The following HECTD4 variants were observed in gnomAD, a reference collection of about 807,000 sequenced individuals.
HECTD4 encodes the protein probable E3 ubiquitin-protein ligase HECTD4.
HECTD4 carries 114 observed loss-of-function variants against 471.5 expected under a neutral mutation model. That is an observed-to-expected ratio of 0.24 (90% CI 0.21 to 0.28). The LOEUF is 0.28. HECTD4 is among the 10% of genes least tolerant of loss of function. The pLI, the probability that HECTD4 is intolerant of heterozygous loss-of-function variation, is 1.00. For synonymous variants in HECTD4, 2,012 were observed against 2,256.0 expected, an observed-to-expected ratio of 0.89 and a Z score of 3.07; for missense variants, 3,866 against 5,651.5, an observed-to-expected ratio of 0.68 and a Z score of 10.13.
Position 112,200,651 on chromosome 12 carries a change from G to A in HECTD4, c.8554C>T (p.Leu2852Phe). 1 of 1,612,128 alleles carries A rather than the reference G, an allele frequency of 6.2e-7. No individual in the cohort carries two copies. The highest frequency in any genetic ancestry group is 8.5e-7 in the Non-Finnish European group (1 of 1,178,834). The change falls in exon 55 of 76, where the codon CTT becomes TTT. Residue 2852 changes from leucine to phenylalanine, a missense_variant. Around this residue, in one of 16 missense-constraint regions of HECTD4, gnomAD observed 266 missense variants for 441.6 expected, o/e 0.60. Coordinates refer to ENST00000682272, the MANE Select transcript of HECTD4 (RefSeq NM_001388303.1). ...GCCCAATTGTACCTGTGAATTTGAA[G>A]GTTGGTATTGTCCAGTGTGACCAGC... ...NGLVTLDNTN[L>F]QIHRELLRCE...
At chr12:112,324,597 G>C (rs753156320) in intron 1 of HECTD4, among the ~76,000 whole-genome samples, 5 of 151,996 alleles carry the variant, frequency 3.3e-5, no homozygotes, top group Admixed American at 1.3e-4. Flanking sequence ...CTTAAAAAAT[G>C]ATCACATTTC....
At chr12:112,267,049 A>T (rs1290546094) in intron 13 of HECTD4, 67 bp from the exon 14 acceptor site, 2 of 895,072 alleles carry the variant, frequency 2.2e-6, no homozygotes, top group African/African-American at 3.4e-5. Context: ...AAATATTTAA[A>T]TTCATATTTT....
In HECTD4 at chr12:112,207,905, G is replaced by A; in HGVS notation, c.8100C>T (p.Gly2700=). 6.2e-7 allele frequency: 1 copy of A among 1,613,940 alleles called. No homozygotes were observed. The highest frequency in any genetic ancestry group is 8.5e-7 in the Non-Finnish European group (1 of 1,179,882). The change falls in exon 52 of 76, where the codon GGC becomes GGT. Residue 2700 remains glycine, a synonymous_variant. Coordinates refer to ENST00000682272, the MANE Select transcript of HECTD4 (RefSeq NM_001388303.1). ...RFRNEAERKS[G]LDQIKGALQL... is the part of the protein sequence containing the mutation. ...GTAAGGCCCCCTTTATCTGGTCCAGGCCCGATTTCCGCTCTGCTTCATTGC... is the reference window on the plus strand; with the variant it reads ...GTAAGGCCCCCTTTATCTGGTCCAGACCCGATTTCCGCTCTGCTTCATTGC...
At chr12:112,300,524 C>T (rs2035142491) in intron 7 of HECTD4, among the ~76,000 whole-genome samples, 1 of 152,112 alleles carries the variant, frequency 6.6e-6, no homozygotes, top group Admixed American at 6.5e-5. Flanking sequence ...ATGGTGTGGG[C>T]ATTTTGCATT....
chr12:112,214,591 G>A (rs2032859862), intron 48 of HECTD4, among the ~76,000 whole-genome samples: 1 of 152,174 alleles, frequency 6.6e-6, no homozygotes, highest in Admixed American at 6.5e-5. Context: ...TAGAAAGAGG[G>A]TAGTCTGTGT....
In HECTD4 at chr12:112,179,432, G is replaced by A. The variant is rs565221549; in HGVS notation, c.10988-35C>T. 96 of 1,545,206 alleles carry A rather than the reference G, an allele frequency of 6.2e-5. No homozygotes were observed. In the East Asian group the frequency reaches 1.3e-3, roughly 21 times the overall value. ...GGAGAGGGGGCAAAACAATTCTGCC[G>A]TGAACATGCATCGGGACAAGCCCTG... On this transcript the variant is annotated intron_variant, in intron 62 of 75. Transcript: ENST00000682272. This position sits in a 1 kb window ranked among gnomAD's most constrained non-coding sequence, Gnocchi z 4.3.
intron 1 of HECTD4, among the ~76,000 whole-genome samples, chr12:112,376,474 C>T (rs548656948): frequency 6.6e-6 from 1 of 152,218 alleles, no homozygotes; most frequent in South Asian, 2.1e-4. Flanking sequence ...TCTCGATCTC[C>T]TGACCTCGTG....
chr12:112,180,826 G>A (rs1261438711), intron 62 of HECTD4, among the ~76,000 whole-genome samples: 4 of 152,048 alleles, frequency 2.6e-5, no homozygotes, highest in African/African-American at 9.7e-5. Flanking sequence ...GACAAGGCTG[G>A]GACCAGGGTG....
intron 7 of HECTD4, among the ~76,000 whole-genome samples, chr12:112,297,093 G>A (rs1007128324): frequency 2.6e-5 from 4 of 151,104 alleles, no homozygotes; most frequent in Non-Finnish European, 5.9e-5. Flanking sequence ...ATGGATGTAG[G>A]TGCAGAGGGT....
At chr12:112,250,408 CCT>C in intron 24 of HECTD4, 31 bp from the exon 25 acceptor site, 1 of 1,461,796 alleles carries the variant, frequency 6.8e-7, no homozygotes, top group Non-Finnish European at 9.6e-7. Context: ...CTCTTCACTT[CCT>C]CTCTCAACAA....
chr12:112,286,643 G>C (rs1273386898), intron 7 of HECTD4, among the ~76,000 whole-genome samples: 1 of 152,066 alleles, frequency 6.6e-6, no homozygotes, highest in Non-Finnish European at 1.5e-5. Flanking sequence ...AGTGAACCAT[G>C]ATTGCACCAC....
At chr12:112,245,556 T>C (rs2033742826) in intron 29 of HECTD4, among the ~76,000 whole-genome samples, 1 of 152,204 alleles carries the variant, frequency 6.6e-6, no homozygotes, top group African/African-American at 2.4e-5. Context: ...AGGGAGAACC[T>C]GTATTAGAGA....
rs777641917 is a variant in HECTD4 at position 112,179,375 on chromosome 12, G to A, written c.11010C>T (p.Ala3670=). ...TAAATATCTCCGTCAGAACCTCTCT[G>A]GCTCCGGGCACCAGCTTCTCCCCTG... ...SIKGEKLVPG[A]REVLTEIFKS... Residue 3670 remains alanine, a synonymous_variant, in exon 63 of 76, where the codon GCC becomes GCT. Coordinates refer to ENST00000682272, the MANE Select transcript of HECTD4 (RefSeq NM_001388303.1). This position sits in a 1 kb window ranked among gnomAD's most constrained non-coding sequence, Gnocchi z 4.3. The A allele has an allele frequency of 1.4e-5, 23 of 1,612,082 alleles. No homozygotes were observed. Among genetic ancestry groups the A allele is most frequent in the Middle Eastern group, 1.7e-4 (1 of 6,058 alleles).
At chr12:112,232,416 C>G in intron 38 of HECTD4, among the ~76,000 whole-genome samples, 1 of 152,362 alleles carries the variant, frequency 6.6e-6, no homozygotes, top group South Asian at 2.1e-4. Context: ...AGGCGTGAGC[C>G]ACAGTGCCTG....
chr12:112,285,495 ACT>A (rs1029212168), intron 7 of HECTD4, among the ~76,000 whole-genome samples: 7 of 152,026 alleles, frequency 4.6e-5, no homozygotes, highest in African/African-American at 1.7e-4. Context: ...AGCACGTACT[ACT>A]CTCTGAAATT....
In HECTD4 at chr12:112,160,272, A is replaced by C. The variant is rs550267126; in HGVS notation, c.*2115T>G. ...GCCATCCAAGCATGCCAGCCTTTGA[A>C]CTTGCTCAGCAAGAGTAGATGATCA... On this transcript the variant is annotated 3_prime_UTR_variant, in exon 76 of 76. Transcript: ENST00000682272. The C allele has an allele frequency of 6.6e-6, 1 of 152,206 alleles. No individual in the cohort carries two copies. 9.4% of individuals were successfully genotyped at this position (152,206 alleles called of 1,614,324 possible).
At chr12:112,366,315 C>T (rs2036556712) in intron 1 of HECTD4, among the ~76,000 whole-genome samples, 2 of 151,820 alleles carry the variant, frequency 1.3e-5, no homozygotes, top group African/African-American at 4.8e-5. Flanking sequence ...CAAGACAAGC[C>T]TGGGCAACGT....
intron 7 of HECTD4, among the ~76,000 whole-genome samples, chr12:112,290,730 C>T (rs1052325107): frequency 1.3e-5 from 2 of 151,742 alleles, no homozygotes; most frequent in South Asian, 4.1e-4. Flanking sequence ...TGCCTGTAGT[C>T]CCAGCTACTC....
At chr12:112,296,064 A>T (rs955559354) in intron 7 of HECTD4, among the ~76,000 whole-genome samples, 1 of 152,192 alleles carries the variant, frequency 6.6e-6, no homozygotes, top group African/African-American at 2.4e-5. Flanking sequence ...GGGGGAACAT[A>T]CTTGGTGTGT....
Sources: allele counts gnomAD v4.1 joint callset (sites outside exome capture counted in the v4.1 genomes callset), GRCh38; gene constraint gnomAD v4.1.1; regional missense constraint gnomAD v4.1.1; non-coding constraint Gnocchi (gnomAD v3.1); transcripts MANE v1.5; gene names NCBI Gene and HGNC (gene_info 2026-07-23, HGNC 2026-07-21).